AADACL2: variants seen among roughly 807,000 people sequenced by gnomAD.
The protein encoded by AADACL2 is arylacetamide deacetylase like 2.
AADACL2 carries 23 observed loss-of-function variants against 22.3 expected under a neutral mutation model. The ratio of observed to expected loss-of-function variants is 1.03; its 90% CI spans 0.74 to 1.46. The LOEUF is 1.46. Ranked by LOEUF, AADACL2 falls within the 40% of genes most tolerant of loss-of-function variation. AADACL2 has a pLI of 0.00. For synonymous variants in AADACL2, 177 were observed against 166.2 expected (o/e 1.07, Z -0.50); for missense variants, 472 against 482.9 (o/e 0.98, Z 0.21).
chr3:151,755,328 A>G (rs946023197), intron 4 of AADACL2, among the ~76,000 whole-genome samples: 2 of 152,150 alleles, frequency 1.3e-5, no homozygotes, highest in African/African-American at 4.8e-5. Flanking sequence ...TTAATCATGT[A>G]CATTTTTGTA....
intron 4 of AADACL2, among the ~76,000 whole-genome samples, chr3:151,749,109 ATTGCT>A (rs1279323357): frequency 8.5e-5 from 13 of 152,158 alleles, no homozygotes; most frequent in Admixed American, 8.5e-4. Flanking sequence ...GAATCTGTAC[ATTGCT>A]TTGTGTAGTA....
At chr3:151,743,623 T>C (rs1436882707) in intron 2 of AADACL2, among the ~76,000 whole-genome samples, 1 of 152,218 alleles carries the variant, frequency 6.6e-6, no homozygotes, top group Non-Finnish European at 1.5e-5. Context: ...ACAAGAGGTT[T>C]TGAAGAACGA....
rs1292633546 is a variant in AADACL2 at position 151,740,637 on chromosome 3, T to C, written c.139-9T>C. 1.3e-6 allele frequency: 2 copies of C among 1,559,582 alleles called. No homozygotes were observed. The highest frequency in any genetic ancestry group is 2.3e-5 in the East Asian group (1 of 44,088). On this transcript the variant is annotated splice_polypyrimidine_tract_variant and intron_variant, in intron 1 of 4. Coordinates refer to ENST00000356517, the MANE Select transcript of AADACL2 (RefSeq NM_207365.4). Reference sequence around the variant, plus strand: ...TAAATATTTAATTTTGTTTGTTTTGTTCTTACAGGCTATGTGTTTTGAAAA... The same window carrying C: ...TAAATATTTAATTTTGTTTGTTTTGCTCTTACAGGCTATGTGTTTTGAAAA...
chr3:151,748,936 T>C (rs1467968806), intron 4 of AADACL2, among the ~76,000 whole-genome samples: 2 of 152,262 alleles, frequency 1.3e-5, no homozygotes, highest in Non-Finnish European at 2.9e-5. Flanking sequence ...CATACTGTTT[T>C]GATTATTGTA....
At chr3:151,740,565 T>C (rs920990243) in intron 1 of AADACL2, 81 bp from the exon 2 acceptor site, 2 of 952,834 alleles carry the variant, frequency 2.1e-6, no homozygotes, top group Non-Finnish European at 3.0e-6. Flanking sequence ...TATTTTTTCT[T>C]CCTTTTTAAC....
At chr3:151,746,706 T>C (rs577519703) in intron 4 of AADACL2, among the ~76,000 whole-genome samples, 35 of 152,202 alleles carry the variant, frequency 2.3e-4, no homozygotes, top group African/African-American at 8.2e-4. Flanking sequence ...ATCATGTAAT[T>C]TTTCTTATTT....
chr3:151,760,285 T>G lies in AADACL2; in HGVS notation c.*2691T>G, dbSNP rs901817387. ...GTTTTCAGTCTCTTTGTAGCTATGT[T>G]ATCCAGACATTGATTTGTATTTACA... On this transcript the variant is annotated 3_prime_UTR_variant, in exon 5 of 5. Coordinates refer to ENST00000356517, the MANE Select transcript of AADACL2 (RefSeq NM_207365.4). The G allele has an allele frequency of 2.6e-5, 4 of 152,268 alleles. No individual in the cohort carries two copies. The highest frequency in any genetic ancestry group is 2.6e-4 in the Admixed American group (4 of 15,284). 9.4% of individuals were successfully genotyped at this position (152,268 alleles called of 1,614,324 possible).
chr3:151,744,235 C>A, intron 3 of AADACL2, 73 bp downstream of exon 3: 1 of 1,359,720 alleles, frequency 7.4e-7, no homozygotes, highest in Non-Finnish European at 1.0e-6. Flanking sequence ...CACATCAAGT[C>A]AGCTATGCTT....
At chr3:151,756,886 C>G in intron 4 of AADACL2, 106 bp from the exon 5 acceptor site, 1 of 944,748 alleles carries the variant, frequency 1.1e-6, no homozygotes, top group Non-Finnish European at 1.4e-6. Flanking sequence ...TACATCACAT[C>G]AATTTATGTA....
rs987569182 is a variant in AADACL2 at position 151,758,885 on chromosome 3, T to A, written c.*1291T>A. 6.6e-6 allele frequency: 1 copy of A among 152,090 alleles called. No individual in the cohort carries two copies. Among genetic ancestry groups the A allele is most frequent in the Non-Finnish European group, 1.5e-5 (1 of 67,978 alleles). 9.4% of individuals were successfully genotyped at this position (152,090 alleles called of 1,614,324 possible). On this transcript the variant is annotated 3_prime_UTR_variant, in exon 5 of 5. Coordinates refer to ENST00000356517, the MANE Select transcript of AADACL2 (RefSeq NM_207365.4). ...ACCATCCAATTGACCCAAAAACAAC[T>A]TACTCAGTTGGGACCAGACATTTTT... is the stretch of plus-strand genomic sequence containing the variant.
Position 151,734,051 on chromosome 3 carries a change from C to T in AADACL2, c.16C>T (p.Leu6Phe). 6.2e-7 allele frequency: 1 copy of T among 1,611,818 alleles called. No homozygotes were observed. Among genetic ancestry groups the T allele is most frequent in the Non-Finnish European group, 8.5e-7 (1 of 1,178,838 alleles). The change falls in exon 1 of 5, where the codon CTC becomes TTC. Residue 6 changes from leucine (L) to phenylalanine (F), a missense_variant. Transcript: ENST00000356517. MGLKA[L>F]CLGLLCVLFV... ...AAGGGATATTATGGGGCTAAAAGCT[C>T]TCTGTTTGGGGCTGCTTTGTGTTCT...
rs757180303 is a variant in AADACL2, at chr3:151,757,631, T to C, written c.*37T>C. 2 of 1,536,200 alleles carry C rather than the reference T, an allele frequency of 1.3e-6. No homozygotes were observed. The highest frequency in any genetic ancestry group is 1.7e-6 in the Non-Finnish European group (2 of 1,143,324). ...GTATGTATAGCCCTTACATAGTGGA[T>C]TGTAATTTGTGATATTTTGTGGTTT... On this transcript the variant is annotated 3_prime_UTR_variant, in exon 5 of 5. Coordinates refer to ENST00000356517, the MANE Select transcript of AADACL2 (RefSeq NM_207365.4).
rs372506132 is a variant in AADACL2, at chr3:151,757,314, T to C, written c.926T>C (p.Leu309Ser). The C allele has an allele frequency of 3.7e-6, 6 of 1,613,692 alleles. No homozygotes were observed. Among genetic ancestry groups the C allele is most frequent in the Non-Finnish European group, 5.1e-6 (6 of 1,179,754 alleles). ...EPILGGLSYS[L>S]PGLTDSRALP... ...ATTCTTGGAGGACTTAGTTATTCAT[T>C]GCCAGGACTTACAGACAGCAGAGCA... is the stretch of plus-strand genomic sequence containing the variant. Residue 309 changes from leucine to serine, a missense_variant, in exon 5 of 5, where the codon TTG becomes TCG. This residue lies in a region of AADACL2 where 3 missense variants were observed against 16.5 expected (regional missense o/e 0.18). Coordinates refer to ENST00000356517, the MANE Select transcript of AADACL2 (RefSeq NM_207365.4).
chr3:151,757,391 ATTC>A lies in AADACL2; in HGVS notation c.1006_1008del (p.Leu336del), dbSNP rs759623916. ...GTTACAGAATTTGCCACTAACCTAT[ATTC>A]TTACTTGTCAACATGATCTCTTAAG... is the stretch of plus-strand genomic sequence containing the variant. On this transcript the variant is annotated inframe_deletion, in exon 5 of 5. Coordinates refer to ENST00000356517, the MANE Select transcript of AADACL2 (RefSeq NM_207365.4). 8 of 1,613,768 alleles carry A rather than the reference ATTC, an allele frequency of 5.0e-6. No homozygotes were observed. The East Asian group carries it at 1.3e-4, about 27-fold the overall frequency.
At chr3:151,744,725 T>C (rs1713382998) in intron 3 of AADACL2, among the ~76,000 whole-genome samples, 3 of 152,150 alleles carry the variant, frequency 2.0e-5, no homozygotes, top group Admixed American at 1.3e-4. Context: ...ACAAATTACT[T>C]AGAGTTTTCT....
At chr3:151,754,095 A>G (rs1713782159) in intron 4 of AADACL2, among the ~76,000 whole-genome samples, 1 of 152,124 alleles carries the variant, frequency 6.6e-6, no homozygotes, top group African/African-American at 2.4e-5. Context: ...ATAAAATGAC[A>G]CAGGGCATGA....
chr3:151,740,909 A>C (rs749247237), intron 2 of AADACL2, 41 bp downstream of exon 2: 8 of 1,543,612 alleles, frequency 5.2e-6, no homozygotes, highest in Non-Finnish European at 7.1e-6. Flanking sequence ...CTAGCTCTAC[A>C]TTTTTGATAT....
chr3:151,750,899 A>G (rs1472042205), intron 4 of AADACL2, among the ~76,000 whole-genome samples: 1 of 152,176 alleles, frequency 6.6e-6, no homozygotes, highest in Admixed American at 6.5e-5. Context: ...CCCTATTGTG[A>G]AACCAAAATT....
In AADACL2 at chr3:151,734,022, GA is replaced by G; in HGVS notation, c.-9del. 2 of 1,596,792 alleles carry G rather than the reference GA, an allele frequency of 1.3e-6. No individual in the cohort carries two copies. Among genetic ancestry groups the G allele is most frequent in the South Asian group, 1.1e-5 (1 of 88,778 alleles). On this transcript the variant is annotated 5_prime_UTR_variant, in exon 1 of 5. Coordinates refer to ENST00000356517, the MANE Select transcript of AADACL2 (RefSeq NM_207365.4). ...TAATCTCAGTACTGTGAAGAAGCTG[GA>G]AAAAGGGATATTATGGGGCTAAAAG...
Sources: gnomAD v4.1 joint callset for allele counts (sites outside exome capture counted in the v4.1 genomes callset) on GRCh38, gnomAD v4.1.1 for gene constraint, gnomAD v4.1.1 regional missense constraint, MANE v1.5 for transcripts, NCBI Gene and HGNC (gene_info 2026-07-23, HGNC 2026-07-21) for gene names.